The following ARPP21 variants were observed in gnomAD, a reference collection of about 807,000 sequenced individuals.
ARPP21 encodes cAMP regulated phosphoprotein 21.
A neutral mutation model predicts 113.2 loss-of-function variants in ARPP21; 69 were observed. The ratio of observed to expected loss-of-function variants is 0.61; its 90% CI spans 0.50 to 0.74. The LOEUF is 0.74. Among genes scored for constraint, ARPP21 ranks in the 30% least tolerant of loss-of-function variants. ARPP21 has a pLI of 0.00. For missense variants in ARPP21, 1,070 were observed against 1,037.4 expected, an observed-to-expected ratio of 1.03 and a Z score of -0.43; for synonymous variants, 368 against 375.5, an observed-to-expected ratio of 0.98 and a Z score of 0.23.
rs757542723 is a variant in ARPP21 at position 35,667,841 on chromosome 3, A to AAAGAAGAAGAAGAAGAAGAAG, written c.-212-11917_-212-11897dup. Among the ~76,000 whole-genome samples the AAAGAAGAAGAAGAAGAAGAAG allele has an allele frequency of 3.8e-3, 311 of 81,460 alleles. 14 individuals are homozygous for AAAGAAGAAGAAGAAGAAGAAG. Among genetic ancestry groups the AAAGAAGAAGAAGAAGAAGAAG allele is most frequent in the African/African-American group, 0.013 (214 of 16,726 alleles). The allele number at this position is 81,460 out of a possible 152,430, so 53.4% of individuals were successfully genotyped here. ...GATCACCTGCAGTACTTTTATTCTCAAAGAAGAAGAAGAAGAAGAAGAAGA... is the reference window on the plus strand; with the variant it reads ...GATCACCTGCAGTACTTTTATTCTCAAAGAAGAAGAAGAAGAAGAAGAAGAAGAAGAAGAAGAAGAAGAAGA... On this transcript the variant is annotated intron_variant, in intron 1 of 20. Transcript: ENST00000684406.
intron 1 of ARPP21, among the ~76,000 whole-genome samples, chr3:35,648,897 T>C (rs1701307265): frequency 6.6e-6 from 1 of 152,230 alleles, no homozygotes; most frequent in African/African-American, 2.4e-5. Context: ...TTTATATTTC[T>C]TTGCTATCCA....
chr3:35,717,653 C>T (rs2092597615), intron 13 of ARPP21, among the ~76,000 whole-genome samples: 1 of 152,070 alleles, frequency 6.6e-6, no homozygotes, highest in Admixed American at 6.5e-5. Flanking sequence ...TAGTAAATTA[C>T]ACTGAGTTAA....
rs183128040 is a variant in ARPP21, at chr3:35,701,384, G to A, written c.687-5590G>A. ...TTATTTTCATTTGTGGAAATTCTAA[G>A]TATATAGGTAAACTTGAAGAAATAA... is the stretch of plus-strand genomic sequence containing the variant. On this transcript the variant is annotated intron_variant, in intron 9 of 20. Transcript: ENST00000684406. 1.3e-4 allele frequency among the ~76,000 whole-genome samples: 19 copies of A among 151,738 alleles called. No homozygotes were observed. In the East Asian group the frequency reaches 3.7e-3, roughly 30 times the overall value.
Position 35,737,245 on chromosome 3 carries a change from G to A in ARPP21, c.1527G>A (p.Leu509=), listed in dbSNP as rs1476576162. ...ACCCACCCACCAGTCAGCAGCCCCT[G>A]CGAAGCGCCATGGTGGGGCAGTCCC... ...IYNPPTSQQP[L]RSAMVGQSQQ... is the part of the protein sequence containing the mutation. Residue 509 remains leucine, a synonymous_variant, in exon 16 of 21, where the codon CTG becomes CTA. Transcript: ENST00000684406. The A allele has an allele frequency of 6.2e-7, 1 of 1,613,130 alleles. No individual in the cohort carries two copies. Among genetic ancestry groups the A allele is most frequent in the Non-Finnish European group, 8.5e-7 (1 of 1,179,400 alleles).
chr3:35,693,693 G>A (rs1347530576), intron 9 of ARPP21, among the ~76,000 whole-genome samples: 5 of 151,490 alleles, frequency 3.3e-5, no homozygotes, highest in Non-Finnish European at 7.4e-5. Flanking sequence ...GGTTTTTTTG[G>A]TTTTGTGAAA....
chr3:35,707,098 T>G lies in ARPP21; in HGVS notation c.795+16T>G. On this transcript the variant is annotated intron_variant, in intron 10 of 20. Transcript: ENST00000684406. The stretch of plus-strand genomic sequence containing the variant: ...AGACAATCAGGTTGGTTCTCAAGTT[T>G]GAGAGTGGCTGACATTGTTGTTTTT... The G allele has an allele frequency of 6.3e-7, 1 of 1,579,132 alleles. No homozygotes were observed. The highest frequency in any genetic ancestry group is 8.7e-7 in the Non-Finnish European group (1 of 1,150,390).
chr3:35,782,171 C>G (rs1011200172), intron 19 of ARPP21, among the ~76,000 whole-genome samples: 2 of 152,100 alleles, frequency 1.3e-5, no homozygotes, highest in African/African-American at 4.8e-5. Context: ...CTTACTGAAG[C>G]CTGTTTCAGT....
intron 19 of ARPP21, among the ~76,000 whole-genome samples, chr3:35,759,793 C>T (rs1357059876): frequency 2.0e-5 from 3 of 151,388 alleles, no homozygotes; most frequent in Non-Finnish European, 4.4e-5. Flanking sequence ...TGATTTCTTC[C>T]GAAGCGTTTC....
At chr3:35,789,178 A>G (rs541493281) in intron 19 of ARPP21, among the ~76,000 whole-genome samples, 1 of 152,346 alleles carries the variant, frequency 6.6e-6, no homozygotes, top group South Asian at 2.1e-4. Flanking sequence ...ACAAACTGGA[A>G]CACATTTCTC....
chr3:35,714,173 G>A (rs957322714), intron 11 of ARPP21, among the ~76,000 whole-genome samples: 1 of 152,096 alleles, frequency 6.6e-6, no homozygotes, highest in Non-Finnish European at 1.5e-5. Flanking sequence ...TCTTAAATGA[G>A]GTTTTTGCAT....
chr3:35,753,991 G>A (rs1193869169), intron 19 of ARPP21, among the ~76,000 whole-genome samples: 2 of 136,784 alleles, frequency 1.5e-5, no homozygotes, highest in African/African-American at 2.7e-5. Context: ...TTCAAATATC[G>A]CTTTTCTCAT....
At chr3:35,741,094 C>T (rs1452137438) in intron 18 of ARPP21, among the ~76,000 whole-genome samples, 1 of 152,012 alleles carries the variant, frequency 6.6e-6, no homozygotes, top group Non-Finnish European at 1.5e-5. Context: ...AATGCAAGAC[C>T]CTATCTCAGA....
chr3:35,699,499 T>C (rs1323850304), intron 9 of ARPP21, among the ~76,000 whole-genome samples: 3 of 151,706 alleles, frequency 2.0e-5, no homozygotes, highest in Non-Finnish European at 4.4e-5. Flanking sequence ...TAAATTGGAA[T>C]CTATCAAGAG....
intron 15 of ARPP21, among the ~76,000 whole-genome samples, chr3:35,736,917 C>T (rs888889275): frequency 6.6e-6 from 1 of 152,180 alleles, no homozygotes; most frequent in Admixed American, 6.5e-5. Context: ...TCCACAGATA[C>T]ATTTAGCTTT....
At chr3:35,687,646 C>T in intron 5 of ARPP21, 93 bp from the exon 6 acceptor site, 1 of 1,198,558 alleles carries the variant, frequency 8.3e-7, no homozygotes, top group Non-Finnish European at 1.2e-6. Context: ...ACCTGGTTTT[C>T]ATTTTTCTAT....
At chr3:35,685,025 T>A in intron 5 of ARPP21, 1 of 984,856 alleles carries the variant, frequency 1.0e-6, no homozygotes, top group Non-Finnish European at 1.2e-6. Flanking sequence ...AAATGTTGAT[T>A]GATGGCTTGT....
rs564366314 is a variant in ARPP21 at position 35,653,028 on chromosome 3, G to A, written c.-213+12630G>A. Among the ~76,000 whole-genome samples the A allele has an allele frequency of 3.2e-3, 492 of 152,130 alleles. 2 individuals are homozygous for A. Among genetic ancestry groups the A allele is most frequent in the African/African-American group, 0.012 (478 of 41,530 alleles). ...AGTGAAAAGTCAGTATTCTTCTACT[G>A]ATTTTGAGTTTACCTTTGGATTATG... is the stretch of plus-strand genomic sequence containing the variant. On this transcript the variant is annotated intron_variant, in intron 1 of 20. Coordinates refer to ENST00000684406, the MANE Select transcript of ARPP21 (RefSeq NM_001385562.1).
At chr3:35,733,479 G>A (rs551593462) in intron 15 of ARPP21, among the ~76,000 whole-genome samples, 43 of 152,270 alleles carry the variant, frequency 2.8e-4, no homozygotes, top group African/African-American at 1.0e-3. Context: ...TGCTGAGCGT[G>A]CTTGTGCAGT....
chr3:35,729,773 A>G (rs2093813552), intron 15 of ARPP21, among the ~76,000 whole-genome samples: 2 of 152,224 alleles, frequency 1.3e-5, no homozygotes, highest in African/African-American at 2.4e-5. Context: ...TATTTCCAGA[A>G]GCATCCACTT....
Sources: allele counts gnomAD v4.1 joint callset (sites outside exome capture counted in the v4.1 genomes callset), GRCh38; gene constraint gnomAD v4.1.1; transcripts MANE v1.5; gene names NCBI Gene and HGNC (gene_info 2026-07-23, HGNC 2026-07-21).